The following SLC7A11 variants were observed in gnomAD, a reference collection of about 807,000 sequenced individuals.
SLC7A11 encodes the protein cystine/glutamate transporter.
A neutral mutation model predicts 54.5 loss-of-function variants in SLC7A11; 35 were observed. The observed-to-expected ratio is 0.64, with a 90% CI of 0.49 to 0.85. SLC7A11 has a LOEUF of 0.85. Among genes scored for constraint, SLC7A11 ranks in the 40% least tolerant of loss-of-function variants. The pLI is 0.00. For synonymous variants in SLC7A11, 230 were observed against 225.2 expected (o/e 1.02, Z -0.19); for missense variants, 583 against 618.1 (o/e 0.94, Z 0.60).
At chr4:138,185,357 A>T in intron 6 of SLC7A11, 113 bp from the exon 7 acceptor site, 6 of 1,220,868 alleles carry the variant, frequency 4.9e-6, no homozygotes, top group Non-Finnish European at 7.1e-6. Flanking sequence ...TACAATAATT[A>T]TAGGCTCTGT....
At chr4:138,213,523 T>C (rs1737602117) in intron 6 of SLC7A11, among the ~76,000 whole-genome samples, 1 of 146,596 alleles carries the variant, frequency 6.8e-6, no homozygotes, top group African/African-American at 2.5e-5. Flanking sequence ...TGTTTGTGTT[T>C]GTGTTTCTCC....
intron 4 of SLC7A11, 95 bp downstream of exon 4, chr4:138,223,104 T>G: frequency 9.3e-7 from 1 of 1,080,606 alleles, no homozygotes; most frequent in Admixed American, 2.1e-5. Context: ...AGGCAGAGAC[T>G]AATTAAGGAT....
chr4:138,198,832 G>C (rs910006261), intron 6 of SLC7A11, among the ~76,000 whole-genome samples: 1 of 152,022 alleles, frequency 6.6e-6, no homozygotes, highest in Non-Finnish European at 1.5e-5. Flanking sequence ...AAGAATATTG[G>C]CACATCCCCA....
intron 3 of SLC7A11, among the ~76,000 whole-genome samples, chr4:138,230,653 C>A (rs748707796): frequency 6.6e-6 from 1 of 152,166 alleles, no homozygotes; most frequent in Non-Finnish European, 1.5e-5. Flanking sequence ...ACTGTAACCA[C>A]TATGCTCAAA....
chr4:138,180,024 G>A (rs1736696871), intron 10 of SLC7A11, among the ~76,000 whole-genome samples: 1 of 145,566 alleles, frequency 6.9e-6, no homozygotes, highest in South Asian at 2.3e-4. Flanking sequence ...CAATCCATGA[G>A]TCAAGTCTGA....
At chr4:138,217,182 C>T (rs896490357) in intron 5 of SLC7A11, among the ~76,000 whole-genome samples, 6 of 152,164 alleles carry the variant, frequency 3.9e-5, no homozygotes, top group Non-Finnish European at 8.8e-5. Context: ...AACACGGTTA[C>T]TTATCTGTCC....
chr4:138,190,778 A>G (rs560105417), intron 6 of SLC7A11, among the ~76,000 whole-genome samples: 4 of 152,162 alleles, frequency 2.6e-5, no homozygotes, highest in Non-Finnish European at 5.9e-5. Flanking sequence ...TTGACATGGA[A>G]CAGTCCTATC....
chr4:138,174,320 T>G (rs1736511527), intron 11 of SLC7A11, among the ~76,000 whole-genome samples: 1 of 152,176 alleles, frequency 6.6e-6, no homozygotes, highest in Non-Finnish European at 1.5e-5. Flanking sequence ...AAAGCTTGGT[T>G]TGGGTCCGTT....
At chr4:138,178,266 A>T (rs1055291365) in intron 11 of SLC7A11, 1 of 152,164 alleles carries the variant, frequency 6.6e-6, no homozygotes, top group Non-Finnish European at 1.5e-5. Flanking sequence ...GTTTGCTGAG[A>T]ATAATGGCTT....
chr4:138,224,815 A>AAAAG (rs944259412), intron 3 of SLC7A11, among the ~76,000 whole-genome samples: 2,344 of 135,940 alleles, frequency 0.017, 52 homozygotes, highest in East Asian at 0.062. Flanking sequence ...AGGAAGGATG[A>AAAAG]AAGGAAGGAA....
intron 1 of SLC7A11, 105 bp downstream of exon 1, chr4:138,241,688 G>A (rs1738383496): frequency 2.3e-6 from 2 of 884,840 alleles, no homozygotes; most frequent in Non-Finnish European, 3.6e-6. Flanking sequence ...ATTTGGTGTG[G>A]CCTTTGCCAT....
intron 6 of SLC7A11, among the ~76,000 whole-genome samples, chr4:138,188,072 C>A (rs994777351): frequency 2.6e-5 from 4 of 151,132 alleles, no homozygotes; most frequent in African/African-American, 9.7e-5. Context: ...AAAAAATTTT[C>A]TTTTTTTTTA....
rs1360570171 is a variant in SLC7A11, at chr4:138,165,173, TA to T, written c.*6782del. The T allele has an allele frequency of 3.3e-5, 5 of 152,600 alleles. No homozygotes were observed. The highest frequency in any genetic ancestry group is 7.4e-5 in the Non-Finnish European group (5 of 68,014). The allele number at this position is 152,600 out of a possible 1,614,324, so 9.5% of individuals were successfully genotyped here. A position where few individuals can be genotyped will look rare whatever the true frequency, so the allele number is the denominator to read the frequency against. On this transcript the variant is annotated 3_prime_UTR_variant, in exon 12 of 12. Transcript: ENST00000280612. ...GGCCAAATTTTTAGACAAAGCTTTCTAAAACCATCTTTATAAAGTAAATTCA... is the reference window on the plus strand; with the variant it reads ...GGCCAAATTTTTAGACAAAGCTTTCTAAACCATCTTTATAAAGTAAATTCA...
In SLC7A11 at chr4:138,220,931, T is replaced by C. The variant is rs113157996; in HGVS notation, c.647-1566A>G. Among the ~76,000 whole-genome samples the C allele has an allele frequency of 9.6e-3, 1,463 of 152,290 alleles. 39 individuals are homozygous for C. Among genetic ancestry groups the C allele is most frequent in the African/African-American group, 0.033 (1,377 of 41,562 alleles). Reference sequence around the variant, plus strand: ...TGAATTATATACTAAACAATTTTTCTCTCAAATGATTCCCAAACATAGCTC... The same window carrying C: ...TGAATTATATACTAAACAATTTTTCCCTCAAATGATTCCCAAACATAGCTC... On this transcript the variant is annotated intron_variant, in intron 4 of 11. Coordinates refer to ENST00000280612, the MANE Select transcript of SLC7A11 (RefSeq NM_014331.4).
At chr4:138,203,075 T>C (rs1040268444) in intron 6 of SLC7A11, among the ~76,000 whole-genome samples, 15 of 152,108 alleles carry the variant, frequency 9.9e-5, no homozygotes, top group African/African-American at 3.4e-4. Flanking sequence ...AAAATCTAAC[T>C]AAGGACTTCC....
chr4:138,236,825 C>T (rs1003593183), intron 1 of SLC7A11, among the ~76,000 whole-genome samples: 3 of 152,010 alleles, frequency 2.0e-5, no homozygotes, highest in African/African-American at 7.3e-5. Context: ...AACCTCACAC[C>T]AAGACAAGGC....
At chr4:138,181,817 C>T (rs980236366) in intron 9 of SLC7A11, among the ~76,000 whole-genome samples, 55 of 152,064 alleles carry the variant, frequency 3.6e-4, no homozygotes, top group Non-Finnish European at 7.9e-4. Flanking sequence ...GGATAAAAGA[C>T]ACTTGCTCTC....
intron 7 of SLC7A11, among the ~76,000 whole-genome samples, chr4:138,184,886 G>A (rs1445318974): frequency 1.3e-5 from 2 of 152,166 alleles, no homozygotes; most frequent in African/African-American, 4.8e-5. Flanking sequence ...AAGCATGTAT[G>A]TGTGAAACTG....
intron 6 of SLC7A11, among the ~76,000 whole-genome samples, chr4:138,199,702 A>G (rs1304787733): frequency 6.6e-6 from 1 of 152,098 alleles, no homozygotes; most frequent in Non-Finnish European, 1.5e-5. Context: ...AACAGGAAAT[A>G]CCTGCCCTGC....
Sources: allele counts gnomAD v4.1 joint callset (sites outside exome capture counted in the v4.1 genomes callset), GRCh38; gene constraint gnomAD v4.1.1; transcripts MANE v1.5; gene names NCBI Gene and HGNC (gene_info 2026-07-23, HGNC 2026-07-21).